Variants in CFAP70 observed in about 807,000 individuals in gnomAD.
CFAP70 encodes cilia- and flagella-associated protein 70.
Under a neutral mutation model 137.6 loss-of-function variants are expected in CFAP70, and 81 were observed. The ratio of observed to expected loss-of-function variants is 0.59; its 90% CI spans 0.49 to 0.71. The LOEUF (loss-of-function observed/expected upper bound fraction) is 0.71. Among genes scored for constraint, CFAP70 ranks in the 30% least tolerant of loss-of-function variants. CFAP70 has a pLI of 0.00. For synonymous variants in CFAP70, 382 were observed against 423.6 expected (o/e 0.90, Z 1.20); for missense variants, 976 against 1,226.7 (o/e 0.80, Z 3.05).
At position 73,297,070 on chromosome 10, in the gene CFAP70, AC is replaced by A; in HGVS notation, c.1615del (p.Val539Ter). On this transcript the variant is annotated frameshift_variant, in exon 15 of 27. Transcript: ENST00000310715. LOFTEE classifies it high-confidence loss of function. The stretch of plus-strand genomic sequence containing the variant: ...GTTTAGGGCTACATGCATCTGATCT[AC>A]TAAGAACACATAGAGCTCACTGATA... The A allele has an allele frequency of 6.2e-7, 1 of 1,613,884 alleles. No homozygotes were observed. Among genetic ancestry groups the A allele is most frequent in the Non-Finnish European group, 8.5e-7 (1 of 1,179,788 alleles).
At chr10:73,328,230 C>T (rs1170700475) in intron 8 of CFAP70, among the ~76,000 whole-genome samples, 1 of 152,128 alleles carries the variant, frequency 6.6e-6, no homozygotes, top group Admixed American at 6.5e-5. Flanking sequence ...GAAAAACAAG[C>T]AATGGGGAAA....
chr10:73,327,857 G>A (rs1378953701), intron 8 of CFAP70, among the ~76,000 whole-genome samples: 2 of 152,102 alleles, frequency 1.3e-5, no homozygotes, highest in African/African-American at 4.8e-5. Context: ...AGAAATGGAA[G>A]AACATTCCAT....
intron 2 of CFAP70, 72 bp from the exon 3 acceptor site, chr10:73,353,814 T>G: frequency 6.8e-7 from 1 of 1,469,394 alleles, no homozygotes; most frequent in Non-Finnish European, 9.3e-7. Flanking sequence ...GGTAACCCAT[T>G]TTGATTTGGG....
At position 73,299,586 on chromosome 10, in the gene CFAP70, A is replaced by T; in HGVS notation, c.1317+19T>A. The T allele has an allele frequency of 6.2e-7, 1 of 1,608,740 alleles. No homozygotes were observed. Among genetic ancestry groups the T allele is most frequent in the Non-Finnish European group, 8.5e-7 (1 of 1,175,552 alleles). ...CAATATCTTATTACTTATCATTTCA[A>T]CTTGGCTTTGGCACTTGCCTTCTGA... On this transcript the variant is annotated intron_variant, in intron 13 of 26. Coordinates refer to ENST00000310715, the Ensembl canonical transcript of CFAP70.
At chr10:73,279,845 G>A (rs574423707) in intron 19 of CFAP70, among the ~76,000 whole-genome samples, 21 of 151,402 alleles carry the variant, frequency 1.4e-4, no homozygotes, top group African/African-American at 3.9e-4. Context: ...GTAACACAGC[G>A]AGACTCTGTC....
At chr10:73,359,510 A>C (rs1380823975), upstream of CFAP70, among the ~76,000 whole-genome samples, 1 of 152,234 alleles carries the variant, frequency 6.6e-6, no homozygotes, top group African/African-American at 2.4e-5. Context: ...TTGAGCATGA[A>C]GTAAACAACG....
At chr10:73,297,207 C>T in intron 14 of CFAP70, 34 bp from the exon 16 acceptor site, 1 of 1,595,356 alleles carries the variant, frequency 6.3e-7, no homozygotes. Context: ...TCTGATAATA[C>T]AGTCCAGCAC....
chr10:73,300,428 C>A (rs2048862792), intron 12 of CFAP70, among the ~76,000 whole-genome samples: 1 of 151,966 alleles, frequency 6.6e-6, no homozygotes, highest in South Asian at 2.1e-4. Flanking sequence ...AATTTTAATT[C>A]TATTTATTTA....
chr10:73,308,030 C>T (rs1589427095), intron 12 of CFAP70, among the ~76,000 whole-genome samples: 1 of 151,524 alleles, frequency 6.6e-6, no homozygotes, highest in East Asian at 1.9e-4. Flanking sequence ...CGATGTGCTC[C>T]TATAGTCCCA....
intron 9 of CFAP70, among the ~76,000 whole-genome samples, chr10:73,322,112 C>A (rs547590970): frequency 4.6e-5 from 7 of 152,154 alleles, no homozygotes; most frequent in South Asian, 4.2e-4. Context: ...GTTTTGTATC[C>A]AAATTTATTG....
At chr10:73,350,591 T>C (rs903366642) in intron 3 of CFAP70, among the ~76,000 whole-genome samples, 1 of 152,178 alleles carries the variant, frequency 6.6e-6, no homozygotes, top group Non-Finnish European at 1.5e-5. Context: ...TTGTGGCTTG[T>C]CTTTTACAGT....
chr10:73,297,026 A>G lies in CFAP70; in HGVS notation c.1644+16T>C. On this transcript the variant is annotated intron_variant, in intron 15 of 26. Coordinates refer to ENST00000310715, the Ensembl canonical transcript of CFAP70. ...TCTACAGAGAAAAGAAAGTGCTCTCAGTTCTTGACACTTACCTGGTTTAGG... is the reference window on the plus strand; with the variant it reads ...TCTACAGAGAAAAGAAAGTGCTCTCGGTTCTTGACACTTACCTGGTTTAGG... 1 of 1,608,816 alleles carries G rather than the reference A, an allele frequency of 6.2e-7. No individual in the cohort carries two copies. Among genetic ancestry groups the G allele is most frequent in the Non-Finnish European group, 8.5e-7 (1 of 1,178,172 alleles).
At chr10:73,255,935 G>A (rs2044445877) in intron 26 of CFAP70, among the ~76,000 whole-genome samples, 1 of 152,140 alleles carries the variant, frequency 6.6e-6, no homozygotes, top group Admixed American at 6.6e-5. Context: ...CAAGTGCAGA[G>A]TTTAGTAGTT....
intron 4 of CFAP70, among the ~76,000 whole-genome samples, chr10:73,346,615 G>T (rs1729446810): frequency 6.6e-6 from 1 of 151,762 alleles, no homozygotes; most frequent in African/African-American, 2.4e-5. Context: ...TGCAAACCAG[G>T]CTGGGCAACA....
intron 6 of CFAP70, among the ~76,000 whole-genome samples, chr10:73,339,217 C>T (rs997158386): frequency 4.0e-5 from 6 of 151,122 alleles, no homozygotes; most frequent in Admixed American, 6.6e-5. Context: ...TCCGCCCAGC[C>T]GAGATGACTA....
At chr10:73,274,726 T>G in intron 22 of CFAP70, 132 bp from the exon 24 acceptor site, 1 of 875,682 alleles carries the variant, frequency 1.1e-6, no homozygotes, top group Non-Finnish European at 1.7e-6. Flanking sequence ...ATCAACCGTT[T>G]TCTTTTTCTA....
At chr10:73,263,917 C>A (rs12416062) in intron 25 of CFAP70, among the ~76,000 whole-genome samples, 3 of 152,094 alleles carry the variant, frequency 2.0e-5, no homozygotes, top group Admixed American at 2.0e-4. Flanking sequence ...AGCAGTTGGC[C>A]TTTGACTGTA....
At chr10:73,261,514 C>G (rs1458630969) in intron 25 of CFAP70, among the ~76,000 whole-genome samples, 1 of 150,854 alleles carries the variant, frequency 6.6e-6, no homozygotes, top group East Asian at 2.0e-4. Flanking sequence ...TGTAGGGAAA[C>G]TCCCATTTTT....
chr10:73,315,004 A>C (rs2050219532), intron 9 of CFAP70, among the ~76,000 whole-genome samples: 1 of 151,384 alleles, frequency 6.6e-6, no homozygotes, highest in South Asian at 2.1e-4. Flanking sequence ...GTTTGAGCCC[A>C]GGAGTTTGAT....
Sources: gnomAD v4.1 joint callset for allele counts (sites outside exome capture counted in the v4.1 genomes callset) on GRCh38, gnomAD v4.1.1 for gene constraint, MANE v1.5 for transcripts, NCBI Gene and HGNC (gene_info 2026-07-23, HGNC 2026-07-21) for gene names.